CFAP70: variants seen among roughly 807,000 people sequenced by gnomAD.
CFAP70 encodes cilia- and flagella-associated protein 70.
Under a neutral mutation model 137.6 loss-of-function variants are expected in CFAP70, and 81 were observed. The ratio of observed to expected loss-of-function variants is 0.59; its 90% CI spans 0.49 to 0.71. The LOEUF (loss-of-function observed/expected upper bound fraction) is 0.71, where lower values mean the gene tolerates loss of function less well. Among genes scored for constraint, CFAP70 ranks in the 30% least tolerant of loss-of-function variants. The probability of loss-of-function intolerance (pLI) is 0.00; values close to 1 mark genes in which losing one functional copy is unlikely to be tolerated. For missense variants in CFAP70, 976 were observed against 1,226.7 expected, an observed-to-expected ratio of 0.80 and a Z score of 3.05; for synonymous variants, 382 against 423.6, an observed-to-expected ratio of 0.90 and a Z score of 1.20.
At chr10:73,350,991 A>ATG (rs1311692186) in intron 3 of CFAP70, among the ~76,000 whole-genome samples, 1 of 139,916 alleles carries the variant, frequency 7.1e-6, no homozygotes, top group African/African-American at 2.7e-5. Flanking sequence ...GTGTATATAT[A>ATG]TGTGTGTATA....
At chr10:73,326,827 A>G (rs1316726217) in intron 8 of CFAP70, among the ~76,000 whole-genome samples, 2 of 152,070 alleles carry the variant, frequency 1.3e-5, no homozygotes, top group Admixed American at 1.3e-4. Flanking sequence ...ACAGGCTCTG[A>G]AATTGTGGCA....
chr10:73,305,220 C>A (rs565545393), intron 12 of CFAP70, among the ~76,000 whole-genome samples: 1 of 152,320 alleles, frequency 6.6e-6, no homozygotes, highest in African/African-American at 2.4e-5. Flanking sequence ...GCACTGAAAC[C>A]TACACAGGGT....
At chr10:73,331,134 T>C in intron 8 of CFAP70, 43 bp downstream of exon 9, 1 of 1,410,440 alleles carries the variant, frequency 7.1e-7, no homozygotes, top group Non-Finnish European at 9.9e-7. Flanking sequence ...TCGGGTCTGA[T>C]TCTACATTTC....
chr10:73,322,869 A>G (rs974842155), intron 9 of CFAP70, 94 bp downstream of exon 10: 2 of 1,079,988 alleles, frequency 1.9e-6, no homozygotes, highest in East Asian at 5.1e-5. Context: ...CTGGTTCTAA[A>G]TATCAGTTGC....
intron 6 of CFAP70, 75 bp downstream of exon 7, chr10:73,341,324 C>T: frequency 7.7e-7 from 1 of 1,290,792 alleles, no homozygotes; most frequent in African/African-American, 1.5e-5. Flanking sequence ...ATATAAATTA[C>T]AGTAATTCAC....
Position 73,275,373 on chromosome 10 carries a change from G to A in CFAP70, c.2673+73C>T, listed in dbSNP as rs548024299. ...ACCCTTCTGTTCACCAGAAATCTAC[G>A]TGTGATATGGCATCACCACCTTTAA... is the stretch of plus-strand genomic sequence containing the variant. On this transcript the variant is annotated intron_variant, in intron 22 of 26. Coordinates refer to ENST00000310715, the Ensembl canonical transcript of CFAP70. The surrounding 1 kb of genome is among the most constrained non-coding windows in gnomAD (Gnocchi z 4.0). 172 of 1,474,246 alleles carry A rather than the reference G, an allele frequency of 1.2e-4. No individual in the cohort carries two copies. The highest frequency in any genetic ancestry group is 1.4e-4 in the Admixed American group (6 of 43,652). 91.3% of individuals were successfully genotyped at this position (1,474,246 alleles called of 1,614,324 possible).
chr10:73,330,110 T>C (rs968285454), intron 8 of CFAP70, among the ~76,000 whole-genome samples: 1 of 152,170 alleles, frequency 6.6e-6, no homozygotes, highest in African/African-American at 2.4e-5. Context: ...ATAAAAATAA[T>C]CTCTTTGATT....
intron 1 of CFAP70, among the ~76,000 whole-genome samples, chr10:73,358,130 GTAT>G (rs2054809225): frequency 6.6e-6 from 1 of 152,214 alleles, no homozygotes; most frequent in Admixed American, 6.5e-5. Context: ...TGCACAAATG[GTAT>G]TATTAATATG....
At chr10:73,304,615 GA>G (rs2049227058) in intron 12 of CFAP70, among the ~76,000 whole-genome samples, 1 of 152,108 alleles carries the variant, frequency 6.6e-6, no homozygotes, top group Non-Finnish European at 1.5e-5. Flanking sequence ...AATATGTGAA[GA>G]AACAGTAGTC....
chr10:73,296,898 C>G, intron 15 of CFAP70, 144 bp downstream of exon 16: 1 of 912,072 alleles, frequency 1.1e-6, no homozygotes, highest in Non-Finnish European at 1.6e-6. Flanking sequence ...TAGGCAGTTT[C>G]TTACTCATCT....
At chr10:73,349,038 G>GAAAAAAAAAAAAAA in intron 3 of CFAP70, among the ~76,000 whole-genome samples, 1 of 149,130 alleles carries the variant, frequency 6.7e-6, no homozygotes. Context: ...CCCAGCCTGG[G>GAAAAAAAAAAAAAA]CAACAAGAGG....
intron 9 of CFAP70, among the ~76,000 whole-genome samples, chr10:73,316,485 TAG>T (rs946513079): frequency 0.02 from 2,131 of 108,722 alleles, 31 homozygotes; most frequent in African/African-American, 0.052. Context: ...TATATAGATA[TAG>T]ATATATATAT....
rs143041367 is a variant in CFAP70 at position 73,258,045 on chromosome 10, G to A, written c.3028-1629C>T. ...GTAGCTAGGATTACAGATGTTGTAT[G>A]TGTCTTCTTGTATTTTTCTTAGGAT... On this transcript the variant is annotated intron_variant, in intron 25 of 26. Transcript: ENST00000310715. Among the ~76,000 whole-genome samples the A allele has an allele frequency of 2.6e-3, 399 of 152,068 alleles. 3 individuals are homozygous for A. Among genetic ancestry groups the A allele is most frequent in the African/African-American group, 9.1e-3 (379 of 41,474 alleles).
intron 8 of CFAP70, among the ~76,000 whole-genome samples, chr10:73,325,403 T>C (rs1374294431): frequency 1.3e-5 from 2 of 152,154 alleles, no homozygotes; most frequent in Admixed American, 1.3e-4. Flanking sequence ...TAAAGACCAT[T>C]GAGGCTAGGA....
intron 7 of CFAP70, among the ~76,000 whole-genome samples, chr10:73,331,542 A>AT (rs1221738197): frequency 6.6e-6 from 1 of 152,082 alleles, no homozygotes; most frequent in Non-Finnish European, 1.5e-5. Context: ...TTAGCTGGGC[A>AT]TGGCAGTGAA....
At chr10:73,266,202 A>G (rs2045748982) in intron 25 of CFAP70, among the ~76,000 whole-genome samples, 1 of 152,130 alleles carries the variant, frequency 6.6e-6, no homozygotes, top group Non-Finnish European at 1.5e-5. Flanking sequence ...TTGTCCATCC[A>G]CTTCTTTGCG....
chr10:73,281,339 C>T (rs955338912), intron 19 of CFAP70, among the ~76,000 whole-genome samples: 4 of 150,592 alleles, frequency 2.7e-5, no homozygotes, highest in Non-Finnish European at 5.9e-5. Context: ...CATGCCACCA[C>T]ACCTGGCTAT....
rs1424531634 is a variant in CFAP70 at position 73,284,925 on chromosome 10, T to C, written c.2239+6301A>G. Among the ~76,000 whole-genome samples the C allele has an allele frequency of 4.6e-5, 7 of 150,652 alleles. No individual in the cohort carries two copies. In the South Asian group the frequency reaches 1.3e-3, roughly 27 times the overall value. On this transcript the variant is annotated intron_variant, in intron 19 of 26. Transcript: ENST00000310715. ...ACCAGATGGCCCACTTTCAAATTAC[T>C]GTTTTAAAAAATATTTTATACTTGC...
intron 8 of CFAP70, among the ~76,000 whole-genome samples, chr10:73,330,449 CAAA>C (rs745806193): frequency 2.0e-4 from 14 of 69,110 alleles, no homozygotes; most frequent in African/African-American, 3.9e-4. Context: ...GACTCCATCA[CAAA>C]AAAAAAAAAA....
Sources: allele counts gnomAD v4.1 joint callset (sites outside exome capture counted in the v4.1 genomes callset), GRCh38; gene constraint gnomAD v4.1.1; non-coding constraint Gnocchi (gnomAD v3.1); transcripts MANE v1.5; gene names NCBI Gene and HGNC (gene_info 2026-07-23, HGNC 2026-07-21).